NNT: variants seen among roughly 807,000 people sequenced by gnomAD.
The protein encoded by NNT is nicotinamide nucleotide transhydrogenase.
Under a neutral mutation model 104.8 loss-of-function variants are expected in NNT, and 50 were observed. The observed-to-expected ratio is 0.48, with a 90% CI of 0.38 to 0.60. The LOEUF (loss-of-function observed/expected upper bound fraction) is 0.60, where lower values mean the gene tolerates loss of function less well. NNT is among the 20% of genes least tolerant of loss of function. NNT has a pLI of 0.00. For synonymous variants in NNT, 461 were observed against 490.4 expected, an observed-to-expected ratio of 0.94 and a Z score of 0.79; for missense variants, 1,131 against 1,330.7, an observed-to-expected ratio of 0.85 and a Z score of 2.33.
intron 6 of NNT, among the ~76,000 whole-genome samples, chr5:43,625,831 G>C (rs552392753): frequency 6.6e-6 from 1 of 152,112 alleles, no homozygotes; most frequent in East Asian, 1.9e-4. Flanking sequence ...CACAAGAACA[G>C]AAAATAAAAT....
chr5:43,612,688 G>GT (rs1431350997), intron 2 of NNT, among the ~76,000 whole-genome samples: 1 of 151,904 alleles, frequency 6.6e-6, no homozygotes, highest in Non-Finnish European at 1.5e-5. Context: ...AAAATATTTA[G>GT]AAGTTTCAGA....
At chr5:43,626,639 TAGAG>T (rs57869309) in intron 6 of NNT, among the ~76,000 whole-genome samples, 645 of 151,888 alleles carry the variant, frequency 4.2e-3, no homozygotes, top group Non-Finnish European at 5.4e-3. Flanking sequence ...TATTGAAAAA[TAGAG>T]AGAAACATAA....
chr5:43,637,296 A>G (rs556102041), intron 7 of NNT, among the ~76,000 whole-genome samples: 3 of 152,294 alleles, frequency 2.0e-5, no homozygotes, highest in Admixed American at 1.3e-4. Flanking sequence ...GCCATATTCT[A>G]TATTTTACAT....
At chr5:43,616,811 G>A (rs1313338349) in intron 4 of NNT, among the ~76,000 whole-genome samples, 6 of 152,062 alleles carry the variant, frequency 3.9e-5, no homozygotes, top group African/African-American at 1.4e-4. Flanking sequence ...CTTAAAGGGT[G>A]GGAACAATCT....
intron 19 of NNT, among the ~76,000 whole-genome samples, chr5:43,690,127 G>C (rs1014974397): frequency 2.0e-5 from 3 of 152,074 alleles, no homozygotes; most frequent in African/African-American, 7.2e-5. Flanking sequence ...CCCTGGCCTT[G>C]CTAGAGATCG....
At chr5:43,677,891 G>A (rs1580100439) in intron 19 of NNT, 85 bp downstream of exon 19, 2 of 1,121,674 alleles carry the variant, frequency 1.8e-6, no homozygotes, top group South Asian at 1.3e-5. Context: ...CTTGAACAAT[G>A]TAGGGGTTAG....
chr5:43,631,472 AT>A (rs1750673786), intron 7 of NNT, among the ~76,000 whole-genome samples: 1 of 152,172 alleles, frequency 6.6e-6, no homozygotes, highest in Non-Finnish European at 1.5e-5. Context: ...GCAGCTGCGC[AT>A]TAGCGGGGAA....
chr5:43,611,684 T>G (rs1019359101), intron 2 of NNT, among the ~76,000 whole-genome samples: 15 of 152,208 alleles, frequency 9.9e-5, no homozygotes, highest in African/African-American at 2.7e-4. Context: ...TTCTCTAAGG[T>G]CTTACTTAAT....
chr5:43,633,513 C>G (rs950943408), intron 7 of NNT, among the ~76,000 whole-genome samples: 4 of 152,190 alleles, frequency 2.6e-5, no homozygotes, highest in Admixed American at 6.5e-5. Flanking sequence ...TCTATTGCCT[C>G]CTGCTCAGCA....
In NNT at chr5:43,659,256, G is replaced by T. The variant is rs1459505721; in HGVS notation, c.2540G>T (p.Cys847Phe). Reference protein sequence around the residue: ...VLNSYSGWALCAEGFLLNNNL... With the variant: ...VLNSYSGWALFAEGFLLNNNL... ...AACAGCTACTCAGGCTGGGCCCTGT[G>T]TGCAGAGGGCTTCCTGCTCAACAAC... The change falls in exon 17 of 22, where the codon TGT becomes TTT. Residue 847 changes from cysteine to phenylalanine, a missense_variant. Transcript: ENST00000344920. The T allele has an allele frequency of 6.2e-7, 1 of 1,614,072 alleles. No homozygotes were observed. The highest frequency in any genetic ancestry group is 8.5e-7 in the Non-Finnish European group (1 of 1,180,014).
At chr5:43,694,963 A>G (rs1561330084) in intron 19 of NNT, among the ~76,000 whole-genome samples, 1 of 152,130 alleles carries the variant, frequency 6.6e-6, no homozygotes, top group Admixed American at 6.5e-5. Context: ...TAGACTATTT[A>G]TTACTGATTC....
intron 5 of NNT, among the ~76,000 whole-genome samples, chr5:43,621,711 T>C (rs1337559263): frequency 2.0e-5 from 3 of 152,054 alleles, no homozygotes; most frequent in East Asian, 1.9e-4. Flanking sequence ...GGCCATGAGA[T>C]AATTTCACAC....
At chr5:43,659,408 G>C in intron 17 of NNT, 58 bp downstream of exon 17, 1 of 1,373,582 alleles carries the variant, frequency 7.3e-7, no homozygotes, top group Non-Finnish European at 1.0e-6. Flanking sequence ...ACATGGATGT[G>C]CATGTCATTT....
At position 43,656,649 on chromosome 5, in the gene NNT, C is replaced by G; in HGVS notation, c.2294-4C>G. On this transcript the variant is annotated splice_region_variant and splice_polypyrimidine_tract_variant and intron_variant, in intron 15 of 21. Coordinates refer to ENST00000344920, the MANE Select transcript of NNT (RefSeq NM_182977.3). ...AATTGTAACTACTATGTGCTTGGCT[C>G]TAGGTCTCCTGAAATCTGCCCCTCT... The G allele has an allele frequency of 6.2e-7, 1 of 1,607,980 alleles. No individual in the cohort carries two copies. Among genetic ancestry groups the G allele is most frequent in the Non-Finnish European group, 8.5e-7 (1 of 1,178,108 alleles).
chr5:43,635,046 G>A (rs928508194), intron 7 of NNT, among the ~76,000 whole-genome samples: 1 of 152,168 alleles, frequency 6.6e-6, no homozygotes, highest in Non-Finnish European at 1.5e-5. Context: ...TAGCGTTACT[G>A]CTAATGTACT....
intron 4 of NNT, among the ~76,000 whole-genome samples, 181 bp downstream of exon 4, chr5:43,616,246 A>C (rs1749780470): frequency 3.3e-5 from 5 of 152,244 alleles, no homozygotes; most frequent in Admixed American, 3.3e-4. Flanking sequence ...TAGATAGGAA[A>C]TGAACTCTAT....
rs971340804 is a variant in NNT at position 43,672,526 on chromosome 5, C to T, written c.2635-2985C>T. On this transcript the variant is annotated intron_variant, in intron 17 of 21. Transcript: ENST00000344920. ...ACAGTCAGGACCCTCAGCTGCAGGT[C>T]TGTTGGAGTTTGCTGGAGGTCCACT... Among the ~76,000 whole-genome samples, 15 of 152,336 alleles carry T rather than the reference C, an allele frequency of 9.8e-5. 1 individual carries two copies. Among genetic ancestry groups the T allele is most frequent in the African/African-American group, 2.6e-4 (11 of 41,578 alleles).
At position 43,644,607 on chromosome 5, in the gene NNT, T is replaced by G; in HGVS notation, c.1099-4T>G. 8.8e-6 allele frequency: 14 copies of G among 1,599,528 alleles called. No homozygotes were observed. Among genetic ancestry groups the G allele is most frequent in the Non-Finnish European group, 1.1e-5 (13 of 1,174,254 alleles). On this transcript the variant is annotated splice_region_variant and splice_polypyrimidine_tract_variant and intron_variant, in intron 8 of 21. Coordinates refer to ENST00000344920, the MANE Select transcript of NNT (RefSeq NM_182977.3). ...CCTTTTTGACTATAATTTTGTTCAT[T>G]TAGGGAATTACTCACATAGGCTACA...
chr5:43,672,071 C>T (rs1181985143), intron 17 of NNT, among the ~76,000 whole-genome samples: 4 of 152,330 alleles, frequency 2.6e-5, no homozygotes, highest in South Asian at 4.1e-4. Flanking sequence ...TCCAGTTGAT[C>T]GAATTGGCTA....
Sources: gnomAD v4.1 joint callset for allele counts (sites outside exome capture counted in the v4.1 genomes callset) on GRCh38, gnomAD v4.1.1 for gene constraint, MANE v1.5 for transcripts, NCBI Gene and HGNC (gene_info 2026-07-23, HGNC 2026-07-21) for gene names.